The following DYNC1I2 variants were observed in gnomAD, a reference collection of about 807,000 sequenced individuals.
The protein encoded by DYNC1I2 is dynein cytoplasmic 1 intermediate chain 2.
Under a neutral mutation model 88.6 loss-of-function variants are expected in DYNC1I2, and 53 were observed. That is an observed-to-expected ratio of 0.60 (90% CI 0.48 to 0.75). The LOEUF is 0.75. Ranked by LOEUF, DYNC1I2 falls within the 30% of genes least tolerant of loss-of-function variation. The pLI, the probability that DYNC1I2 is intolerant of heterozygous loss-of-function variation, is 0.00. For missense variants in DYNC1I2, 458 were observed against 766.6 expected, an observed-to-expected ratio of 0.60 and a Z score of 4.75; for synonymous variants, 198 against 254.6, an observed-to-expected ratio of 0.78 and a Z score of 2.12.
chr2:171,714,514 G>A (rs1046933726), intron 6 of DYNC1I2, among the ~76,000 whole-genome samples: 1 of 151,980 alleles, frequency 6.6e-6, no homozygotes, highest in Non-Finnish European at 1.5e-5. Context: ...ACTTTATTTG[G>A]TTTAGGATTT....
intron 17 of DYNC1I2, 100 bp downstream of exon 17, chr2:171,746,027 T>C (rs1010944681): frequency 2.3e-6 from 3 of 1,292,062 alleles, no homozygotes; most frequent in Admixed American, 4.0e-5. Context: ...TTATGAGTTG[T>C]TTAAACTATA....
chr2:171,712,596 A>G (rs1687199705), intron 5 of DYNC1I2, 171 bp from the exon 6 acceptor site: 1 of 564,842 alleles, frequency 1.8e-6, no homozygotes, highest in Admixed American at 3.5e-5. Flanking sequence ...TGATTGAGTG[A>G]CCTGGTGGAT....
chr2:171,717,522 C>G (rs1490586710), intron 7 of DYNC1I2, among the ~76,000 whole-genome samples: 2 of 152,140 alleles, frequency 1.3e-5, no homozygotes, highest in African/African-American at 4.8e-5. Flanking sequence ...GCAAGATCCT[C>G]ATCCTAACAG....
rs1390145519 is a variant in DYNC1I2, at chr2:171,692,923, G to T, written c.226+29G>T. On this transcript the variant is annotated intron_variant, in intron 3 of 17. Transcript: ENST00000397119. ...AGGTTAAGAATATATCCATTTATAA[G>T]AGATAGGCATAGATTCTGTTCAGCT... 9 of 1,469,372 alleles carry T rather than the reference G, an allele frequency of 6.1e-6. No homozygotes were observed. In the African/African-American group the frequency reaches 1.1e-4, roughly 18 times the overall value. 91.0% of individuals were successfully genotyped at this position (1,469,372 alleles called of 1,614,324 possible).
At chr2:171,728,487 T>G in intron 13 of DYNC1I2, 69 bp downstream of exon 13, 1 of 988,844 alleles carries the variant, frequency 1.0e-6, no homozygotes, top group Non-Finnish European at 1.5e-6. Context: ...GTACCTCAAC[T>G]TATGTTTCTC....
chr2:171,712,894 T>C, intron 6 of DYNC1I2, 68 bp downstream of exon 6: 2 of 1,359,428 alleles, frequency 1.5e-6, no homozygotes, highest in Non-Finnish European at 2.1e-6. Flanking sequence ...CTGTCCTAAT[T>C]TTATTTTGCT....
intron 15 of DYNC1I2, among the ~76,000 whole-genome samples, chr2:171,735,762 A>G (rs981587241): frequency 2.6e-5 from 4 of 152,236 alleles, no homozygotes; most frequent in African/African-American, 9.6e-5. Context: ...GGATTCTAGA[A>G]GAGTTTGATT....
intron 15 of DYNC1I2, among the ~76,000 whole-genome samples, chr2:171,739,864 C>T (rs1689296107): frequency 6.6e-6 from 1 of 151,870 alleles, no homozygotes; most frequent in Non-Finnish European, 1.5e-5. Flanking sequence ...CGCCACCATG[C>T]CTGGCTAATT....
At chr2:171,719,183 A>C (rs563497111) in intron 7 of DYNC1I2, among the ~76,000 whole-genome samples, 3 of 148,392 alleles carry the variant, frequency 2.0e-5, no homozygotes, top group Admixed American at 6.8e-5. Context: ...AGGGAAAAAA[A>C]AGCATCCTGA....
chr2:171,706,528 C>A lies in DYNC1I2; in HGVS notation c.227-19C>A, dbSNP rs752038757. On this transcript the variant is annotated intron_variant, in intron 3 of 17. Transcript: ENST00000397119. ...TTAAGAATATTTTGGGTGTCTGTAT[C>A]TTTGTCTGTACACTTCAGTTTTTTC... 3.4e-5 allele frequency: 54 copies of A among 1,608,844 alleles called. No individual in the cohort carries two copies. The South Asian group carries it at 5.7e-4, about 17-fold the overall frequency.
At chr2:171,710,145 A>G (rs1454406924) in intron 5 of DYNC1I2, among the ~76,000 whole-genome samples, 1 of 151,578 alleles carries the variant, frequency 6.6e-6, no homozygotes, top group Non-Finnish European at 1.5e-5. Flanking sequence ...ACACACACAC[A>G]CACACACACA....
intron 7 of DYNC1I2, among the ~76,000 whole-genome samples, chr2:171,717,959 CTTT>C (rs575201805): frequency 7.3e-6 from 1 of 136,718 alleles, no homozygotes. Context: ...TGAAGACTTT[CTTT>C]TTTTTTTTTT....
chr2:171,747,711 G>A (rs1689897714), intron 17 of DYNC1I2, 65 bp from the exon 18 acceptor site: 7 of 1,180,474 alleles, frequency 5.9e-6, no homozygotes, highest in Non-Finnish European at 8.5e-6. Flanking sequence ...AAAACAAACT[G>A]AATAATAGTG....
intron 6 of DYNC1I2, among the ~76,000 whole-genome samples, chr2:171,715,084 A>G (rs908487431): frequency 3.9e-5 from 6 of 152,216 alleles, no homozygotes; most frequent in Non-Finnish European, 8.8e-5. Flanking sequence ...TTCTAAAAAA[A>G]TGAAATTACT....
chr2:171,740,245 C>A (rs1689328979), intron 15 of DYNC1I2, among the ~76,000 whole-genome samples: 1 of 152,176 alleles, frequency 6.6e-6, no homozygotes, highest in African/African-American at 2.4e-5. Context: ...TGGTTATCCA[C>A]CAGACCTTAC....
intron 7 of DYNC1I2, among the ~76,000 whole-genome samples, chr2:171,721,513 T>C (rs1486477949): frequency 6.6e-6 from 1 of 152,204 alleles, no homozygotes; most frequent in Non-Finnish European, 1.5e-5. Flanking sequence ...AGAAGGGATT[T>C]TTTGAAAATA....
At chr2:171,691,490 A>C (rs1233432320) in intron 2 of DYNC1I2, among the ~76,000 whole-genome samples, 4 of 152,242 alleles carry the variant, frequency 2.6e-5, no homozygotes, top group African/African-American at 9.6e-5. Context: ...GAGAAAAATA[A>C]GTAGTAGAAA....
At chr2:171,733,141 G>C (rs1688740604) in intron 15 of DYNC1I2, among the ~76,000 whole-genome samples, 1 of 152,148 alleles carries the variant, frequency 6.6e-6, no homozygotes, top group Non-Finnish European at 1.5e-5. Flanking sequence ...ATGGCCTCCA[G>C]CTTCATCAGT....
chr2:171,728,086 A>C, intron 12 of DYNC1I2, 119 bp downstream of exon 12: 1 of 1,230,526 alleles, frequency 8.1e-7, no homozygotes, highest in Non-Finnish European at 1.1e-6. Flanking sequence ...TGAATTCCTC[A>C]CCATTTAGCA....
Sources: gnomAD v4.1 joint callset for allele counts (sites outside exome capture counted in the v4.1 genomes callset) on GRCh38, gnomAD v4.1.1 for gene constraint, MANE v1.5 for transcripts, NCBI Gene and HGNC (gene_info 2026-07-23, HGNC 2026-07-21) for gene names.